The following CFAP65 variants were observed in gnomAD, a reference collection of about 807,000 sequenced individuals.
CFAP65 encodes cilia- and flagella-associated protein 65.
A neutral mutation model predicts 208.0 loss-of-function variants in CFAP65; 155 were observed. The observed-to-expected ratio is 0.75, with a 90% confidence interval of 0.65 to 0.85. The LOEUF is 0.85. CFAP65 is among the 40% of genes least tolerant of loss of function. CFAP65 has a pLI of 0.00. For missense variants in CFAP65, 2,294 were observed against 2,451.3 expected (o/e 0.94, Z 1.36); for synonymous variants, 970 against 986.3 (o/e 0.98, Z 0.31).
At chr2:219,040,428 C>T in intron 2 of CFAP65, 91 bp downstream of exon 2, 1 of 772,900 alleles carries the variant, frequency 1.3e-6, no homozygotes, top group Non-Finnish European at 2.3e-6. Flanking sequence ...AGGGGACTAT[C>T]TAGATTCAGT....
chr2:219,028,088 A>G, intron 12 of CFAP65, 79 bp from the exon 13 acceptor site: 1 of 1,542,426 alleles, frequency 6.5e-7, no homozygotes, highest in Non-Finnish European at 8.8e-7. Context: ...ACTCCTGTCT[A>G]GAAAGGCTAC....
intron 16 of CFAP65, among the ~76,000 whole-genome samples, 173 bp downstream of exon 16, chr2:219,023,034 T>G (rs1032959954): frequency 6.6e-6 from 1 of 152,114 alleles, no homozygotes; most frequent in Non-Finnish European, 1.5e-5. Context: ...CTCAATTATT[T>G]GTAAAATGGT....
At position 219,031,727 on chromosome 2, in the gene CFAP65, C is replaced by T. The variant is rs1948055113; in HGVS notation, c.646-69G>A. ...TTCAGGGACTGCACATCCCGCCCAC[C>T]CTCAGCCACCCCCAACACAACCGCT... On this transcript the variant is annotated intron_variant, in intron 6 of 34. Coordinates refer to ENST00000341552, the MANE Select transcript of CFAP65 (RefSeq NM_194302.4). This position sits in a 1 kb window ranked among gnomAD's most constrained non-coding sequence, Gnocchi z 5.2. 6.5e-7 allele frequency: 1 copy of T among 1,530,306 alleles called. No individual in the cohort carries two copies. 94.8% of individuals were successfully genotyped at this position (1,530,306 alleles called of 1,614,324 possible).
chr2:219,008,707 C>T (rs1233475909), intron 29 of CFAP65, among the ~76,000 whole-genome samples: 3 of 152,036 alleles, frequency 2.0e-5, no homozygotes, highest in Non-Finnish European at 4.4e-5. Context: ...GCACTCTAGC[C>T]TGGGTGACCG....
At position 219,031,767 on chromosome 2, in the gene CFAP65, G is replaced by A; in HGVS notation, c.646-109C>T. 7.4e-7 allele frequency: 1 copy of A among 1,352,096 alleles called. No individual in the cohort carries two copies. Among genetic ancestry groups the A allele is most frequent in the South Asian group, 1.4e-5 (1 of 70,224 alleles). 83.8% of individuals were successfully genotyped at this position (1,352,096 alleles called of 1,614,324 possible). A position where few individuals can be genotyped will look rare whatever the true frequency, so the allele number is the denominator to read the frequency against. Reference sequence around the variant, plus strand: ...ACACAACCGCTGAGGGGAGGGCCAGGCCGTGGCACCCACGTCAGACTCTGA... The same window carrying A: ...ACACAACCGCTGAGGGGAGGGCCAGACCGTGGCACCCACGTCAGACTCTGA... On this transcript the variant is annotated intron_variant, in intron 6 of 34. Coordinates refer to ENST00000341552, the MANE Select transcript of CFAP65 (RefSeq NM_194302.4). This position sits in a 1 kb window ranked among gnomAD's most constrained non-coding sequence, Gnocchi z 5.2.
intron 24 of CFAP65, 87 bp from the exon 25 acceptor site, chr2:219,011,083 G>T: frequency 1.6e-6 from 2 of 1,274,226 alleles, no homozygotes; most frequent in Non-Finnish European, 2.2e-6. Context: ...CTGTGGGAGG[G>T]CAGGCTGATC....
At position 219,009,332 on chromosome 2, in the gene CFAP65, G is replaced by A; in HGVS notation, c.4566+15C>T. 2 of 1,595,936 alleles carry A rather than the reference G, an allele frequency of 1.3e-6. No homozygotes were observed. The highest frequency in any genetic ancestry group is 1.7e-6 in the Non-Finnish European group (2 of 1,164,714). The stretch of plus-strand genomic sequence containing the variant: ...CATGCCTCCATCCCACTTTACCCCT[G>A]GGGCTGGTTCCTACCTTGCATACCA... On this transcript the variant is annotated intron_variant, in intron 28 of 34. Coordinates refer to ENST00000341552, the MANE Select transcript of CFAP65 (RefSeq NM_194302.4).
chr2:219,038,975 G>A lies in CFAP65; in HGVS notation c.74C>T (p.Ser25Phe), dbSNP rs1223042898. The change falls in exon 3 of 35, where the codon TCT (serine) becomes TTT (phenylalanine). Residue 25 changes from serine (S) to phenylalanine (F), a missense_variant. Physicochemically the swap from Ser to Phe is radical, Grantham distance 155 (BLOSUM62 -2). Around this residue, in one of 2 missense-constraint regions of CFAP65, gnomAD observed 867 missense variants for 1,012.6 expected, o/e 0.86. Transcript: ENST00000341552. ...KVENPSVSFA[S>F]SFPLIPLLLR... ...GAGAAGAGGAATAAGGGGGAAAGAA[G>A]AGGCAAATGAGACTGATGGATTCTC... 2.5e-6 allele frequency: 4 copies of A among 1,613,836 alleles called. No homozygotes were observed. In the East Asian group the frequency reaches 8.9e-5, roughly 36 times the overall value.
In CFAP65 at chr2:219,031,453, C is replaced by A. The variant is rs962528970; in HGVS notation, c.815+36G>T. On this transcript the variant is annotated intron_variant, in intron 7 of 34. Transcript: ENST00000341552. The surrounding 1 kb of genome is among the most constrained non-coding windows in gnomAD (Gnocchi z 5.2). ...GCTTCCAGACACCCTCCTCACAGCT[C>A]TTGCTCTCCCCGCCGCACCTCAGCC... 1.2e-6 allele frequency: 2 copies of A among 1,613,900 alleles called. No homozygotes were observed. The highest frequency in any genetic ancestry group is 1.7e-5 in the Admixed American group (1 of 59,982).
At chr2:219,039,558 C>G (rs913968744) in intron 2 of CFAP65, among the ~76,000 whole-genome samples, 3 of 152,134 alleles carry the variant, frequency 2.0e-5, no homozygotes, top group Admixed American at 6.5e-5. Context: ...GGCACTGCCC[C>G]CCAAAATATA....
rs1416671915 is a variant in CFAP65 at position 219,005,468 on chromosome 2, G to T, written c.5017C>A (p.Gln1673Lys). 1 of 1,613,796 alleles carries T rather than the reference G, an allele frequency of 6.2e-7. No individual in the cohort carries two copies. Among genetic ancestry groups the T allele is most frequent in the South Asian group, 1.1e-5 (1 of 91,070 alleles). ...KWGPVSKQKK[Q>K]LLVDILTTII... is the part of the protein sequence containing the mutation. ...GTGGTGAGAATGTCAACCAGGAGCT[G>T]CTTCTTCTGCTTGGAAACAGGGCCC... The change falls in exon 32 of 35, where the codon CAG becomes AAG. Residue 1673 changes from glutamine (Q) to lysine (K), a missense_variant. Around this residue, in one of 2 missense-constraint regions of CFAP65, gnomAD observed 1,427 missense variants for 1,438.7 expected, o/e 0.99. Coordinates refer to ENST00000341552, the MANE Select transcript of CFAP65 (RefSeq NM_194302.4).
In CFAP65 at chr2:219,004,169, C is replaced by T; in HGVS notation, c.5338G>A (p.Glu1780Lys). The change falls in exon 33 of 35, where the codon GAG becomes AAG. Residue 1780 changes from glutamate (E) to lysine (K), a missense_variant. By Grantham distance (56) the Glu-to-Lys change is moderately conservative. Transcript: ENST00000341552. The surrounding 1 kb of genome is among the most constrained non-coding windows in gnomAD (Gnocchi z 4.7). ...EEEEELEEEEEEEEETEEEEL... is the reference protein window; with the variant it reads ...EEEEELEEEEKEEEETEEEEL... ...TCCTCTTCTGTCTCCTCTTCTTCCT[C>T]CTCTTCCTCCTCCAACTCTTCTTCT... 1.2e-6 allele frequency: 2 copies of T among 1,614,000 alleles called. No homozygotes were observed. The highest frequency in any genetic ancestry group is 1.7e-6 in the Non-Finnish European group (2 of 1,180,018).
intron 4 of CFAP65, among the ~76,000 whole-genome samples, chr2:219,038,086 A>G (rs778605344): frequency 3.9e-5 from 6 of 152,104 alleles, no homozygotes; most frequent in Non-Finnish European, 5.9e-5. Flanking sequence ...CCAGCACTCC[A>G]GTGTGCTTGG....
chr2:219,016,189 T>TC (rs1452670374), intron 21 of CFAP65, among the ~76,000 whole-genome samples: 1 of 152,116 alleles, frequency 6.6e-6, no homozygotes, highest in Non-Finnish European at 1.5e-5. Context: ...TTGTGGATAT[T>TC]CAGCAGTGGC....
chr2:219,029,910 G>C, intron 10 of CFAP65, 76 bp downstream of exon 10: 1 of 1,434,354 alleles, frequency 7.0e-7, no homozygotes. Flanking sequence ...CCTCCTAGGA[G>C]CAGGGAAGGA....
rs200471040 is a variant in CFAP65 at position 219,030,137 on chromosome 2, C to T, written c.1233G>A (p.Thr411=). The T allele has an allele frequency of 5.0e-5, 80 of 1,613,998 alleles. No individual in the cohort carries two copies. The highest frequency in any genetic ancestry group is 4.4e-5 in the South Asian group (4 of 91,084). The change falls in exon 10 of 35, where the codon ACG becomes ACA. Residue 411 remains threonine (T), a synonymous_variant. Transcript: ENST00000341552. Reference sequence around the variant, plus strand: ...CTCCCGGAAGCACGATGCCATGGGCCGTGGGGCATGAGAAGGCCTGGTCTT... The same window carrying T: ...CTCCCGGAAGCACGATGCCATGGGCTGTGGGGCATGAGAAGGCCTGGTCTT... ...LAEDQAFSCP[T]AHGIVLPGEK...
At chr2:219,010,761 G>A (rs760587393) in intron 25 of CFAP65, 44 bp downstream of exon 25, 1 of 1,587,358 alleles carries the variant, frequency 6.3e-7, no homozygotes, top group African/African-American at 1.3e-5. Flanking sequence ...TGCTGAGGAA[G>A]CCAGCACCAC....
Position 219,010,023 on chromosome 2 carries a change from G to A in CFAP65, c.4371C>T (p.Ser1457=), listed in dbSNP as rs865812491. 3.1e-6 allele frequency: 5 copies of A among 1,612,432 alleles called. No homozygotes were observed. Among genetic ancestry groups the A allele is most frequent in the Non-Finnish European group, 4.2e-6 (5 of 1,179,294 alleles). ...LGNIPVQSKC[S]RLLFLNNISK... is the part of the protein sequence containing the mutation. ...AGATGTTGTTGAGGAAGAGCAGGCG[G>A]CTGCACTTGCTCTGCACAGGTATGT... The change falls in exon 27 of 35, where the codon AGC becomes AGT. Residue 1457 remains serine (S), a synonymous_variant. Coordinates refer to ENST00000341552, the MANE Select transcript of CFAP65 (RefSeq NM_194302.4).
intron 21 of CFAP65, chr2:219,018,732 T>C (rs1947070367): frequency 6.2e-6 from 2 of 320,524 alleles, no homozygotes; most frequent in East Asian, 1.3e-4. Flanking sequence ...AAAAGACTTG[T>C]AAAGCGCAGG....
Sources: gnomAD v4.1 joint callset for allele counts (sites outside exome capture counted in the v4.1 genomes callset) on GRCh38, gnomAD v4.1.1 for gene constraint, gnomAD v4.1.1 regional missense constraint, Gnocchi (gnomAD v3.1) non-coding constraint, MANE v1.5 for transcripts, NCBI Gene and HGNC (gene_info 2026-07-23, HGNC 2026-07-21) for gene names.